OR1J2: variants seen among roughly 807,000 people sequenced by gnomAD.
OR1J2 encodes olfactory receptor 1J2.
For synonymous variants in OR1J2, 142 were observed against 99.7 expected, an observed-to-expected ratio of 1.42 and a Z score of -2.52; for missense variants, 304 against 246.1, an observed-to-expected ratio of 1.24 and a Z score of -1.57.
chr9:122,465,528 C>A, the OR1J2 span, among the ~76,000 whole-genome samples: 6 of 152,256 alleles, frequency 3.9e-5, no homozygotes, highest in African/African-American at 1.4e-4. Context: ...AATTTGGATC[C>A]TCAATGGTCA....
At chr9:122,510,489 C>CATAT (rs140025674), upstream of OR1J2, among the ~76,000 whole-genome samples, 167 of 151,514 alleles carry the variant, frequency 1.1e-3, no homozygotes, top group African/African-American at 3.5e-3. Flanking sequence ...TGAAATAAAA[C>CATAT]ATATATATAT....
the OR1J2 span, among the ~76,000 whole-genome samples, chr9:122,544,550 A>T: frequency 6.6e-6 from 1 of 150,662 alleles, no homozygotes; most frequent in African/African-American, 2.4e-5. Flanking sequence ...CCTCCCTAGT[A>T]GCTGGGATTA....
At chr9:122,560,498 A>C in the OR1J2 span, among the ~76,000 whole-genome samples, 1 of 152,090 alleles carries the variant, frequency 6.6e-6, no homozygotes, top group African/African-American at 2.4e-5. Context: ...TGCTTCCTTC[A>C]GGAGCTCTTG....
the OR1J2 span, among the ~76,000 whole-genome samples, chr9:122,455,852 T>A: frequency 2.6e-5 from 4 of 152,182 alleles, no homozygotes; most frequent in African/African-American, 9.7e-5. Context: ...AGGTTTTTAG[T>A]TTATTTTGAG....
the OR1J2 span, chr9:122,527,067 A>C: frequency 1.2e-6 from 2 of 1,614,246 alleles, no homozygotes; most frequent in Non-Finnish European, 1.7e-6. Flanking sequence ...CATCTTGGTA[A>C]CTGTGGAGGA....
the OR1J2 span, among the ~76,000 whole-genome samples, chr9:122,520,760 A>G: frequency 1.2e-4 from 19 of 152,222 alleles, no homozygotes; most frequent in Non-Finnish European, 2.6e-4. Flanking sequence ...CCGTCACTAA[A>G]TTTGATCCTT....
At chr9:122,520,020 A>T in the OR1J2 span, 2 of 1,614,166 alleles carry the variant, frequency 1.2e-6, no homozygotes. Flanking sequence ...TAGCCTAAGG[A>T]ACAGGGACAT....
chr9:122,465,174 A>G, the OR1J2 span, among the ~76,000 whole-genome samples: 1 of 152,150 alleles, frequency 6.6e-6, no homozygotes, highest in African/African-American at 2.4e-5. Context: ...CCAAATTACC[A>G]CTAGGGGGCC....
At chr9:122,514,443 C>T (rs1487598866), downstream of OR1J2, among the ~76,000 whole-genome samples, 8 of 152,188 alleles carry the variant, frequency 5.3e-5, no homozygotes, top group Non-Finnish European at 8.8e-5. Flanking sequence ...CATGTTGCTG[C>T]AAAGGACATG....
chr9:122,553,931 C>G, the OR1J2 span: 1 of 1,613,938 alleles, frequency 6.2e-7, no homozygotes, highest in Non-Finnish European at 8.5e-7. Context: ...GATGGAAGGC[C>G]TTCTCTACCT....
chr9:122,478,327 G>A, the OR1J2 span, among the ~76,000 whole-genome samples: 2 of 152,182 alleles, frequency 1.3e-5, no homozygotes. Flanking sequence ...ATAGGAAGAG[G>A]AGAAGCTGGG....
chr9:122,574,941 A>G, the OR1J2 span, among the ~76,000 whole-genome samples: 1 of 152,070 alleles, frequency 6.6e-6, no homozygotes, highest in East Asian at 1.9e-4. Context: ...ATTTTTCTGC[A>G]TCTATTTATG....
At chr9:122,567,412 A>T in the OR1J2 span, 2 of 611,506 alleles carry the variant, frequency 3.3e-6, no homozygotes, top group South Asian at 4.7e-5. Flanking sequence ...CAATGGATGT[A>T]AGTGCCCACA....
the OR1J2 span, chr9:122,476,897 T>G: frequency 0.22 from 158,078 of 719,136 alleles, 19,346 homozygotes; most frequent in East Asian, 0.42. Context: ...TAGTAGAGAC[T>G]GGGTTTCGCC....
chr9:122,452,680 C>T, the OR1J2 span, among the ~76,000 whole-genome samples: 268 of 152,124 alleles, frequency 1.8e-3, no homozygotes, highest in African/African-American at 5.9e-3. Flanking sequence ...GAGGTGGGGC[C>T]TGATGGGAGG....
the OR1J2 span, among the ~76,000 whole-genome samples, chr9:122,476,397 G>A: frequency 6.6e-6 from 1 of 152,206 alleles, no homozygotes; most frequent in African/African-American, 2.4e-5. Flanking sequence ...GGAAAGGTCA[G>A]CCCTGATGGC....
At position 122,511,532 on chromosome 9, in the gene OR1J2, ATC is replaced by A. The variant is rs749594410; in HGVS notation, c.737_738del (p.Ser246CysfsTer23). 4.8e-4 allele frequency: 377 copies of A among 780,744 alleles called. 2 individuals are homozygous for A. The highest frequency in any genetic ancestry group is 8.0e-4 in the Non-Finnish European group (333 of 418,078). The allele number at this position is 780,744 out of a possible 1,614,324, so 48.4% of individuals were successfully genotyped here. On this transcript the variant is annotated frameshift_variant, in exon 1 of 1. Transcript: ENST00000335302. LOFTEE classifies it low-confidence loss of function (END_TRUNC). ...AAAGCATTGTCCACATGTGGCTCCC[ATC>A]TCTCTGTGGTGTCTCTCTATTATGG...
the OR1J2 span, among the ~76,000 whole-genome samples, chr9:122,455,348 T>C: frequency 9.2e-5 from 14 of 152,376 alleles, 2 homozygotes; most frequent in South Asian, 2.7e-3. Flanking sequence ...ATGAGTGTTT[T>C]AATTTCTTTG....
chr9:122,516,514 G>A (rs1242104713), downstream of OR1J2, among the ~76,000 whole-genome samples: 1 of 151,674 alleles, frequency 6.6e-6, no homozygotes, highest in Non-Finnish European at 1.5e-5. Context: ...CGTTTTAGCC[G>A]GGATGGTCTC....
Sources: allele counts gnomAD v4.1 joint callset (sites outside exome capture counted in the v4.1 genomes callset), GRCh38; gene constraint gnomAD v4.1.1; transcripts MANE v1.5; gene names NCBI Gene and HGNC (gene_info 2026-07-23, HGNC 2026-07-21).